PHACTR4: variants seen among roughly 807,000 people sequenced by gnomAD.
PHACTR4 encodes the protein phosphatase and actin regulator 4.
In PHACTR4, 51 loss-of-function variants were observed where a neutral mutation model predicts 72.7. The ratio of observed to expected loss-of-function variants is 0.70; its 90% confidence interval spans 0.56 to 0.89. The LOEUF (loss-of-function observed/expected upper bound fraction) is 0.89, where lower values mean the gene tolerates loss of function less well. Among genes scored for constraint, PHACTR4 ranks in the 40% least tolerant of loss-of-function variants. PHACTR4 has a pLI of 0.00. For missense variants in PHACTR4, 731 were observed against 861.8 expected (o/e 0.85, Z 1.90); for synonymous variants, 255 against 302.5 (o/e 0.84, Z 1.63).
chr1:28,468,417 G>T (rs1233670056), intron 6 of PHACTR4, among the ~76,000 whole-genome samples: 2 of 151,782 alleles, frequency 1.3e-5, no homozygotes, highest in Admixed American at 6.6e-5. Flanking sequence ...ATGGTGAAAC[G>T]CCATCTCTAC....
intron 2 of PHACTR4, among the ~76,000 whole-genome samples, chr1:28,427,551 G>C (rs1452213608): frequency 6.6e-6 from 1 of 152,002 alleles, no homozygotes; most frequent in African/African-American, 2.4e-5. Context: ...AAATAAAAAG[G>C]CTATAGTATT....
In PHACTR4 at chr1:28,411,454, TCTC is replaced by T. The variant is rs529009621; in HGVS notation, c.16+3995_16+3997del. 1.7e-4 allele frequency among the ~76,000 whole-genome samples: 26 copies of T among 152,344 alleles called. No homozygotes were observed. In the East Asian group the frequency reaches 5.0e-3, roughly 29 times the overall value. ...GAAATGACTCATATTTAACTACCAT[TCTC>T]CTCTGTCTCCATTTTTCCTTCTAAA... On this transcript the variant is annotated intron_variant, in intron 2 of 13. Coordinates refer to ENST00000373839, the MANE Select transcript of PHACTR4 (RefSeq NM_001048183.3).
At chr1:28,462,785 A>G (rs1658907391) in intron 4 of PHACTR4, among the ~76,000 whole-genome samples, 1 of 152,200 alleles carries the variant, frequency 6.6e-6, no homozygotes, top group African/African-American at 2.4e-5. Context: ...TGCCAACCAG[A>G]TAAATGACCT....
At chr1:28,480,755 C>T (rs954491899) in intron 9 of PHACTR4, 151 bp downstream of exon 9, 3 of 996,182 alleles carry the variant, frequency 3.0e-6, no homozygotes, top group Non-Finnish European at 4.5e-6. Flanking sequence ...GTGGCGCGAT[C>T]TCGGCTCACT....
chr1:28,489,372 G>C (rs994768538), intron 10 of PHACTR4, 147 bp downstream of exon 10: 2 of 640,662 alleles, frequency 3.1e-6, no homozygotes. Flanking sequence ...CCCCATGAAG[G>C]AACAGAGCTT....
chr1:28,496,722 C>A lies in PHACTR4; in HGVS notation c.*173C>A. 1.4e-6 allele frequency: 1 copy of A among 730,064 alleles called. No homozygotes were observed. The highest frequency in any genetic ancestry group is 2.3e-6 in the Non-Finnish European group (1 of 427,004). The allele number at this position is 730,064 out of a possible 1,614,324, so 45.2% of individuals were successfully genotyped here. A position where few individuals can be genotyped will look rare whatever the true frequency, so the allele number is the denominator to read the frequency against. On this transcript the variant is annotated 3_prime_UTR_variant, in exon 14 of 14. Coordinates refer to ENST00000373839, the MANE Select transcript of PHACTR4 (RefSeq NM_001048183.3). ...TTTCACTGGAACAGAGTCTTATGTG[C>A]TGCACCGGGGGCAAAACAACACTTT...
intron 2 of PHACTR4, among the ~76,000 whole-genome samples, chr1:28,444,243 T>TTC (rs1553194313): frequency 0.025 from 2,420 of 97,342 alleles, 407 homozygotes; most frequent in Non-Finnish European, 0.04. Flanking sequence ...TTTTTTTTTT[T>TTC]TGAGACAGAG....
intron 2 of PHACTR4, among the ~76,000 whole-genome samples, chr1:28,416,341 T>C (rs997106980): frequency 3.3e-5 from 5 of 152,196 alleles, no homozygotes; most frequent in Admixed American, 6.5e-5. Context: ...TGTTACATCC[T>C]ACCCACTGCC....
intron 2 of PHACTR4, among the ~76,000 whole-genome samples, chr1:28,408,558 TAAAAG>T (rs1292137882): frequency 2.0e-5 from 3 of 151,842 alleles, no homozygotes; most frequent in East Asian, 1.9e-4. Flanking sequence ...GACTCTGTCT[TAAAAG>T]AAAAGAAAAG....
intron 2 of PHACTR4, among the ~76,000 whole-genome samples, chr1:28,412,089 A>T (rs78330714): frequency 2.6e-5 from 4 of 152,162 alleles, no homozygotes; most frequent in African/African-American, 9.7e-5. Context: ...TAATATCACT[A>T]TTGGTCTCGT....
At chr1:28,449,575 A>G (rs112603471) in intron 2 of PHACTR4, among the ~76,000 whole-genome samples, 15,785 of 152,132 alleles carry the variant, frequency 0.1, 1,892 homozygotes, top group African/African-American at 0.3. Context: ...CCAATGGCCC[A>G]GTGCTGTGGC....
In PHACTR4 at chr1:28,497,020, T is replaced by C. The variant is rs749748263; in HGVS notation, c.*471T>C. On this transcript the variant is annotated 3_prime_UTR_variant, in exon 14 of 14. Coordinates refer to ENST00000373839, the MANE Select transcript of PHACTR4 (RefSeq NM_001048183.3). ...CTTCTGGAGACCCCCAACCTTCTGA[T>C]AAAAGAGTCTCTACCTCCAGGGAAA... 4 of 195,742 alleles carry C rather than the reference T, an allele frequency of 2.0e-5. No individual in the cohort carries two copies. Among genetic ancestry groups the C allele is most frequent in the Non-Finnish European group, 4.2e-5 (4 of 95,392 alleles). 12.1% of individuals were successfully genotyped at this position (195,742 alleles called of 1,614,324 possible). A position where few individuals can be genotyped will look rare whatever the true frequency, so the allele number is the denominator to read the frequency against.
chr1:28,466,715 A>C lies in PHACTR4; in HGVS notation c.770A>C (p.Gln257Pro), dbSNP rs1659195987. Residue 257 changes from glutamine (Q) to proline (P), a missense_variant, in exon 6 of 14, where the codon CAG (glutamine) becomes CCG (proline). Coordinates refer to ENST00000373839, the MANE Select transcript of PHACTR4 (RefSeq NM_001048183.3). ...PSLTHMVPAK[Q>P]PPIPPPKPAH... ...CTCACTCATATGGTCCCTGCCAAGC[A>C]GCCCCCTATCCCTCCCCCTAAACCA... is the stretch of plus-strand genomic sequence containing the variant. 1.2e-6 allele frequency: 2 copies of C among 1,613,834 alleles called. No individual in the cohort carries two copies. Among genetic ancestry groups the C allele is most frequent in the Admixed American group, 1.7e-5 (1 of 59,968 alleles).
intron 2 of PHACTR4, among the ~76,000 whole-genome samples, chr1:28,454,270 C>CTTTTTTT (rs945039969): frequency 1.9e-3 from 184 of 95,068 alleles, no homozygotes; most frequent in Non-Finnish European, 2.3e-3. Context: ...ATCACTTTGT[C>CTTTTTTT]TTTTTTTTTT....
At chr1:28,406,844 T>G (rs1654363671) in intron 1 of PHACTR4, among the ~76,000 whole-genome samples, 1 of 152,204 alleles carries the variant, frequency 6.6e-6, no homozygotes, top group African/African-American at 2.4e-5. Flanking sequence ...CTTGAGTGGA[T>G]AAACTTACAG....
At chr1:28,415,209 C>T (rs1655029864) in intron 2 of PHACTR4, among the ~76,000 whole-genome samples, 1 of 148,844 alleles carries the variant, frequency 6.7e-6, no homozygotes, top group African/African-American at 2.5e-5. Flanking sequence ...TGCAGTGAGC[C>T]AAGATCACGC....
chr1:28,478,725 ATTACAGGCATGAGCCACCGTGAC>A (rs2124517978), intron 8 of PHACTR4, among the ~76,000 whole-genome samples: 1 of 149,486 alleles, frequency 6.7e-6, no homozygotes, highest in African/African-American at 2.5e-5. Flanking sequence ...AAGTGCTGGG[ATTACAGGCATGAGCCACCGTGAC>A]TGGCCCGGTA....
At chr1:28,485,541 C>T (rs1389207431) in intron 9 of PHACTR4, among the ~76,000 whole-genome samples, 3 of 151,108 alleles carry the variant, frequency 2.0e-5, no homozygotes, top group Admixed American at 6.6e-5. Context: ...GAGCCGGGAT[C>T]CCGTGCCACT....
chr1:28,490,714 G>A (rs1350366481), intron 10 of PHACTR4, among the ~76,000 whole-genome samples: 1 of 151,566 alleles, frequency 6.6e-6, no homozygotes, highest in Non-Finnish European at 1.5e-5. Flanking sequence ...TGCATGGCAT[G>A]TGCCTGTAAT....
Sources: gnomAD v4.1 joint callset for allele counts (sites outside exome capture counted in the v4.1 genomes callset) on GRCh38, gnomAD v4.1.1 for gene constraint, MANE v1.5 for transcripts, NCBI Gene and HGNC (gene_info 2026-07-23, HGNC 2026-07-21) for gene names.